Variants in GBF1 observed in about 807,000 individuals in gnomAD.
GBF1 encodes the protein golgi brefeldin A resistant guanine nucleotide exchange factor 1, also known as Golgi-specific brefeldin A-resistance guanine nucleotide exchange factor 1.
A neutral mutation model predicts 210.5 loss-of-function variants in GBF1; 114 were observed. The observed-to-expected ratio is 0.54, with a 90% confidence interval of 0.47 to 0.63. The LOEUF (loss-of-function observed/expected upper bound fraction) is 0.63. GBF1 is among the 30% of genes least tolerant of loss of function. The pLI is 0.00. For synonymous variants in GBF1, 850 were observed against 889.2 expected, an observed-to-expected ratio of 0.96 and a Z score of 0.78; for missense variants, 1,851 against 2,357.7, an observed-to-expected ratio of 0.79 and a Z score of 4.45.
chr10:102,252,969 A>G (rs903753199), intron 1 of GBF1, among the ~76,000 whole-genome samples: 5 of 151,950 alleles, frequency 3.3e-5, no homozygotes, highest in African/African-American at 9.7e-5. Context: ...ATCTTGGCTT[A>G]CTGCAACCTC....
chr10:102,270,317 G>A (rs1339630739), intron 3 of GBF1, among the ~76,000 whole-genome samples: 12 of 151,420 alleles, frequency 7.9e-5, no homozygotes, highest in African/African-American at 2.9e-4. Flanking sequence ...TTACAGGCAC[G>A]GGCCACCACG....
chr10:102,269,654 A>G (rs1565037357), intron 3 of GBF1, among the ~76,000 whole-genome samples: 1 of 152,204 alleles, frequency 6.6e-6, no homozygotes, highest in Non-Finnish European at 1.5e-5. Flanking sequence ...ATTGTAAGAA[A>G]AAAAATCTAA....
chr10:102,279,089 G>A (rs2075259609), intron 3 of GBF1, among the ~76,000 whole-genome samples: 1 of 152,108 alleles, frequency 6.6e-6, no homozygotes, highest in African/African-American at 2.4e-5. Context: ...TTGTTCTTAG[G>A]TGGACACAAA....
intron 3 of GBF1, among the ~76,000 whole-genome samples, chr10:102,264,277 C>T (rs2073605568): frequency 1.3e-5 from 2 of 152,092 alleles, no homozygotes; most frequent in Admixed American, 1.3e-4. Context: ...GTGCTTTGGA[C>T]CCATTACCCA....
At position 102,380,696 on chromosome 10, in the gene GBF1, T is replaced by C; in HGVS notation, c.5173+10T>C. On this transcript the variant is annotated intron_variant, in intron 38 of 39. Transcript: ENST00000369983. ...CAGACCGTCATCCAGGGTAGGGGGC[T>C]CAGCCCAGCTTTATCAAAAAGAGTC... 1 of 1,594,884 alleles carries C rather than the reference T, an allele frequency of 6.3e-7. No homozygotes were observed. The highest frequency in any genetic ancestry group is 8.6e-7 in the Non-Finnish European group (1 of 1,168,750).
chr10:102,312,656 T>C (rs2078571661), intron 3 of GBF1, among the ~76,000 whole-genome samples: 1 of 152,222 alleles, frequency 6.6e-6, no homozygotes. Context: ...AAGCCTATAC[T>C]TTTGGTGTTC....
chr10:102,368,845 AG>A lies in GBF1; in HGVS notation c.2973+15del, dbSNP rs1190614834. The A allele has an allele frequency of 6.5e-7, 1 of 1,548,732 alleles. No homozygotes were observed. The highest frequency in any genetic ancestry group is 8.9e-7 in the Non-Finnish European group (1 of 1,120,828). On this transcript the variant is annotated intron_variant, in intron 23 of 39. Transcript: ENST00000369983. ...TCTCAGCAGTGAGGTGAGCAGGTGC[AG>A]GAACTGTGTACTTGGAGCTCCAAAG...
intron 3 of GBF1, among the ~76,000 whole-genome samples, chr10:102,337,765 G>C (rs1328729741): frequency 2.6e-5 from 4 of 151,814 alleles, no homozygotes; most frequent in Admixed American, 1.3e-4. Flanking sequence ...GCTGAGGCAG[G>C]AGAATCGCTT....
chr10:102,356,314 C>T (rs76676700), intron 8 of GBF1, among the ~76,000 whole-genome samples: 1,560 of 152,308 alleles, frequency 0.01, 23 homozygotes, highest in African/African-American at 0.036. Flanking sequence ...AGTGCTTCTG[C>T]TCTCTTTAGA....
intron 3 of GBF1, among the ~76,000 whole-genome samples, chr10:102,312,290 T>G (rs1473554830): frequency 6.8e-6 from 1 of 146,768 alleles, no homozygotes; most frequent in Non-Finnish European, 1.5e-5. Context: ...CGTAACTCTG[T>G]CTCAGAAAAA....
chr10:102,381,548 C>T (rs529208760), intron 39 of GBF1, among the ~76,000 whole-genome samples: 4 of 152,142 alleles, frequency 2.6e-5, no homozygotes, highest in Admixed American at 6.5e-5. Context: ...GGCGGCCAGG[C>T]GCAGTGGCTC....
chr10:102,362,330 A>C lies in GBF1; in HGVS notation c.1687-145A>C. Reference sequence around the variant, plus strand: ...CTCGGCCTCCCAAAGTGCTGGGATTACAGGCATGAGCCACCACGCCCGGCC... The same window carrying C: ...CTCGGCCTCCCAAAGTGCTGGGATTCCAGGCATGAGCCACCACGCCCGGCC... On this transcript the variant is annotated intron_variant, in intron 14 of 39. Coordinates refer to ENST00000369983, the MANE Select transcript of GBF1 (RefSeq NM_001377137.1). 1.1e-5 allele frequency: 7 copies of C among 615,702 alleles called. No individual in the cohort carries two copies. In the South Asian group the frequency reaches 1.4e-4, roughly 13 times the overall value. 38.1% of individuals were successfully genotyped at this position (615,702 alleles called of 1,614,324 possible).
chr10:102,344,018 G>T, intron 3 of GBF1, 33 bp from the exon 4 acceptor site: 1 of 1,597,692 alleles, frequency 6.3e-7, no homozygotes, highest in African/African-American at 1.3e-5. Context: ...TCTCTTAGAT[G>T]ATACCTCTTC....
At chr10:102,359,653 G>A (rs762239509) in intron 11 of GBF1, among the ~76,000 whole-genome samples, 39 of 151,700 alleles carry the variant, frequency 2.6e-4, no homozygotes, top group Non-Finnish European at 4.7e-4. Flanking sequence ...ATGGGCAATA[G>A]GAAGCAAGAA....
At chr10:102,342,412 C>A (rs936634914) in intron 3 of GBF1, among the ~76,000 whole-genome samples, 8 of 151,956 alleles carry the variant, frequency 5.3e-5, no homozygotes, top group Middle Eastern at 6.8e-3. Flanking sequence ...CACACACTCA[C>A]ACACAGACAC....
At chr10:102,292,182 C>T (rs1319648082) in intron 3 of GBF1, among the ~76,000 whole-genome samples, 1 of 152,078 alleles carries the variant, frequency 6.6e-6, no homozygotes, top group South Asian at 2.1e-4. Flanking sequence ...AGCCACCATG[C>T]CCGGCCCCTA....
chr10:102,232,224 G>A, the GBF1 span: 1 of 650,512 alleles, frequency 1.5e-6, no homozygotes. Flanking sequence ...GGCTGCGTGG[G>A]GCTCCTTAGG....
chr10:102,243,739 A>G (rs2070607449), upstream of GBF1, among the ~76,000 whole-genome samples: 1 of 152,158 alleles, frequency 6.6e-6, no homozygotes, highest in Non-Finnish European at 1.5e-5. Flanking sequence ...GATAGAGGCT[A>G]GATCCTCAGC....
At position 102,368,400 on chromosome 10, in the gene GBF1, T is replaced by A; in HGVS notation, c.2825T>A (p.Val942Asp). The change falls in exon 22 of 40, where the codon GTC becomes GAC. Residue 942 changes from valine to aspartate, a missense_variant. Physicochemically the swap from Val to Asp is radical, Grantham distance 152. Coordinates refer to ENST00000369983, the MANE Select transcript of GBF1 (RefSeq NM_001377137.1). The part of the protein sequence containing the change: ...WGPTIAALSY[V>D]FDKSLEETII... ...CCCACTATTGCTGCTCTCTCTTATG[T>A]CTTTGACAAAAGCCTTGAGGAGACA... The A allele has an allele frequency of 6.8e-6, 11 of 1,614,000 alleles. No homozygotes were observed. The highest frequency in any genetic ancestry group is 9.3e-6 in the Non-Finnish European group (11 of 1,179,834).
Sources: gnomAD v4.1 joint callset for allele counts (sites outside exome capture counted in the v4.1 genomes callset) on GRCh38, gnomAD v4.1.1 for gene constraint, MANE v1.5 for transcripts, NCBI Gene and HGNC (gene_info 2026-07-23, HGNC 2026-07-21) for gene names.